Variants in CNTLN observed in about 807,000 individuals in gnomAD.
CNTLN encodes the protein centlein, centrosomal protein.
Under a neutral mutation model 180.0 loss-of-function variants are expected in CNTLN, and 212 were observed. That is an observed-to-expected ratio of 1.18 (90% CI 1.05 to 1.32). The LOEUF (loss-of-function observed/expected upper bound fraction) is 1.32. Among genes scored for constraint, CNTLN ranks in the 40% most tolerant of loss-of-function variants. The pLI is 0.00. For synonymous variants in CNTLN, 722 were observed against 563.1 expected, an observed-to-expected ratio of 1.28 and a Z score of -3.99; for missense variants, 2,095 against 1,610.9, an observed-to-expected ratio of 1.30 and a Z score of -5.14.
Position 17,331,580 on chromosome 9 carries a change from G to T in CNTLN, c.1518+772G>T, listed in dbSNP as rs7850667. Among the ~76,000 whole-genome samples, 1,145 of 152,024 alleles carry T rather than the reference G, an allele frequency of 7.5e-3. 15 individuals carry two copies. Among genetic ancestry groups the T allele is most frequent in the African/African-American group, 0.025 (1,045 of 41,522 alleles). ...AGTTTTTATAATAGGAAGCCATGTT[G>T]TTAAGATAATTGTTTTTGTTTCTTT... On this transcript the variant is annotated intron_variant, in intron 9 of 25. Coordinates refer to ENST00000380647, the MANE Select transcript of CNTLN (RefSeq NM_017738.4).
At chr9:17,474,698 G>A (rs113816869) in intron 23 of CNTLN, among the ~76,000 whole-genome samples, 2,475 of 151,978 alleles carry the variant, frequency 0.016, 59 homozygotes, top group African/African-American at 0.055. Flanking sequence ...GTGAAACCCC[G>A]TCTCTACTAA....
At chr9:17,408,734 G>T (rs147658025) in intron 15 of CNTLN, among the ~76,000 whole-genome samples, 2,941 of 151,542 alleles carry the variant, frequency 0.019, 92 homozygotes, top group African/African-American at 0.068. Context: ...CTGGGAGGCG[G>T]AGGTTGCCAT....
intron 18 of CNTLN, among the ~76,000 whole-genome samples, chr9:17,426,281 C>A (rs1444226534): frequency 1.3e-5 from 2 of 152,168 alleles, no homozygotes; most frequent in Non-Finnish European, 2.9e-5. Flanking sequence ...TGTTGCCACT[C>A]CCATCACGGG....
intron 2 of CNTLN, among the ~76,000 whole-genome samples, chr9:17,147,692 G>T (rs1818550398): frequency 6.6e-6 from 1 of 152,206 alleles, no homozygotes. Context: ...GTGTTGTGTT[G>T]TTAGCTCATC....
chr9:17,416,954 A>C (rs767913343), intron 18 of CNTLN, among the ~76,000 whole-genome samples: 10 of 152,144 alleles, frequency 6.6e-5, no homozygotes, highest in Non-Finnish European at 1.2e-4. Flanking sequence ...TAAATTCTCT[A>C]ATTCTAGTAT....
intron 2 of CNTLN, among the ~76,000 whole-genome samples, chr9:17,164,696 C>T (rs1819942788): frequency 6.6e-6 from 1 of 151,670 alleles, no homozygotes; most frequent in Non-Finnish European, 1.5e-5. Flanking sequence ...ATCTGCCTGC[C>T]TTAGCCTCCC....
rs1350698247 is a variant in CNTLN, at chr9:17,141,287, GA to G, written c.361-1993del. Among the ~76,000 whole-genome samples, 5 of 151,928 alleles carry G rather than the reference GA, an allele frequency of 3.3e-5. No homozygotes were observed. In the East Asian group the frequency reaches 9.6e-4, roughly 29 times the overall value. Reference sequence around the variant, plus strand: ...AGGATTATTAAATGAAATGTGCTGTGAAAAAAAATTGTAACTGGAAAAGGGG... The same window carrying G: ...AGGATTATTAAATGAAATGTGCTGTGAAAAAAATTGTAACTGGAAAAGGGG... On this transcript the variant is annotated intron_variant, in intron 1 of 25. Coordinates refer to ENST00000380647, the MANE Select transcript of CNTLN (RefSeq NM_017738.4).
intron 13 of CNTLN, among the ~76,000 whole-genome samples, chr9:17,387,224 CA>C (rs919460722): frequency 6.6e-6 from 1 of 152,080 alleles, no homozygotes; most frequent in African/African-American, 2.4e-5. Flanking sequence ...GTTGAGAAAT[CA>C]AAGTTTTACA....
intron 12 of CNTLN, among the ~76,000 whole-genome samples, chr9:17,350,409 AAG>A (rs1193637184): frequency 2.6e-5 from 4 of 152,192 alleles, no homozygotes; most frequent in Non-Finnish European, 5.9e-5. Flanking sequence ...CAGGTAAACA[AAG>A]AGAAATAATG....
At chr9:17,341,381 A>G (rs573027482) in intron 11 of CNTLN, among the ~76,000 whole-genome samples, 1 of 152,344 alleles carries the variant, frequency 6.6e-6, no homozygotes, top group South Asian at 2.1e-4. Flanking sequence ...ATAGTTAACT[A>G]TCTTAAAACT....
At chr9:17,365,133 C>T (rs1250968602) in intron 12 of CNTLN, among the ~76,000 whole-genome samples, 1 of 152,136 alleles carries the variant, frequency 6.6e-6, no homozygotes, top group African/African-American at 2.4e-5. Context: ...TTGTAATCCC[C>T]AGTGGTGAAG....
intron 2 of CNTLN, among the ~76,000 whole-genome samples, chr9:17,185,398 A>G (rs1821365674): frequency 6.6e-6 from 1 of 152,236 alleles, no homozygotes; most frequent in African/African-American, 2.4e-5. Context: ...AGATAATAAT[A>G]CATTCCTAAC....
Position 17,465,981 on chromosome 9 carries a change from G to A in CNTLN, c.3532G>A (p.Val1178Ile). Residue 1178 changes from valine (V) to isoleucine (I), a missense_variant and splice_region_variant, in exon 22 of 26, where the codon GTA becomes ATA. Coordinates refer to ENST00000380647, the MANE Select transcript of CNTLN (RefSeq NM_017738.4). The stretch of plus-strand genomic sequence containing the variant: ...AATTACCTTTATGCTTTTAATGTAG[G>A]TAAAGACATTAACTGAAGAATGTTC... ...SEMLQNLDKKVKTLTEECSNK... is the reference protein window; with the variant it reads ...SEMLQNLDKKIKTLTEECSNK... 1.9e-6 allele frequency: 3 copies of A among 1,598,302 alleles called. No homozygotes were observed. Among genetic ancestry groups the A allele is most frequent in the Non-Finnish European group, 1.7e-6 (2 of 1,169,686 alleles).
intron 5 of CNTLN, among the ~76,000 whole-genome samples, chr9:17,243,236 T>A (rs1197711550): frequency 6.6e-6 from 1 of 152,168 alleles, no homozygotes; most frequent in East Asian, 1.9e-4. Flanking sequence ...TTAATCTGGC[T>A]AATGTTTTGC....
intron 2 of CNTLN, among the ~76,000 whole-genome samples, chr9:17,147,625 CTGT>C (rs201302002): frequency 0.045 from 6,807 of 152,126 alleles, 192 homozygotes; most frequent in East Asian, 0.17. Flanking sequence ...ATGGCTGCTG[CTGT>C]TGTTTCCCAT....
At chr9:17,456,961 A>C (rs948702752) in intron 18 of CNTLN, among the ~76,000 whole-genome samples, 41 of 152,174 alleles carry the variant, frequency 2.7e-4, no homozygotes, top group African/African-American at 9.4e-4. Flanking sequence ...TAGAAACAGG[A>C]CTTTTCAACA....
the CNTLN span, among the ~76,000 whole-genome samples, chr9:17,522,925 G>A: frequency 6.6e-6 from 1 of 151,522 alleles, no homozygotes; most frequent in Admixed American, 6.6e-5. Flanking sequence ...CCTGGTTCCT[G>A]TGATTTCCAG....
intron 1 of CNTLN, among the ~76,000 whole-genome samples, chr9:17,136,794 G>A (rs77234907): frequency 0.052 from 7,881 of 152,190 alleles, 254 homozygotes; most frequent in East Asian, 0.17. Context: ...CGTTGGATAA[G>A]GAGCAAAGGG....
intron 18 of CNTLN, among the ~76,000 whole-genome samples, chr9:17,419,656 A>C (rs1228528045): frequency 6.6e-6 from 1 of 152,174 alleles, no homozygotes; most frequent in African/African-American, 2.4e-5. Context: ...GGAGATACAG[A>C]GAAATAGAAA....
Sources: gnomAD v4.1 joint callset for allele counts (sites outside exome capture counted in the v4.1 genomes callset) on GRCh38, gnomAD v4.1.1 for gene constraint, MANE v1.5 for transcripts, NCBI Gene and HGNC (gene_info 2026-07-23, HGNC 2026-07-21) for gene names.